The following PPM1H variants were observed in gnomAD, a reference collection of about 807,000 sequenced individuals.
PPM1H encodes protein phosphatase 1H.
PPM1H carries 27 observed loss-of-function variants against 54.9 expected under a neutral mutation model. The ratio of observed to expected loss-of-function variants is 0.49; its 90% confidence interval spans 0.36 to 0.68. PPM1H has a LOEUF of 0.68. Among genes scored for constraint, PPM1H ranks in the 30% least tolerant of loss-of-function variants. PPM1H has a pLI of 0.00. For missense variants in PPM1H, 596 were observed against 667.8 expected (o/e 0.89, Z 1.19); for synonymous variants, 305 against 270.8 (o/e 1.13, Z -1.24).
intron 1 of PPM1H, among the ~76,000 whole-genome samples, chr12:62,870,307 C>T (rs1420123520): frequency 6.6e-6 from 1 of 152,092 alleles, no homozygotes. Flanking sequence ...GGCCTTGCAG[C>T]TCATTTTAGG....
intron 1 of PPM1H, among the ~76,000 whole-genome samples, chr12:62,928,800 G>A (rs1390656326): frequency 6.6e-6 from 1 of 152,176 alleles, no homozygotes; most frequent in Non-Finnish European, 1.5e-5. Context: ...TGTCCCCGCT[G>A]AGTAACTTTC....
intron 1 of PPM1H, among the ~76,000 whole-genome samples, chr12:62,843,808 T>A (rs746858661): frequency 9.2e-5 from 14 of 152,216 alleles, no homozygotes; most frequent in Non-Finnish European, 2.1e-4. Flanking sequence ...TTAATTAACC[T>A]GCAGAGAAAG....
At chr12:62,770,829 C>T (rs1325008991) in intron 4 of PPM1H, among the ~76,000 whole-genome samples, 1 of 151,914 alleles carries the variant, frequency 6.6e-6, no homozygotes, top group Non-Finnish European at 1.5e-5. Context: ...GAAAGCGTTC[C>T]CACTCTGCGA....
At chr12:62,771,228 G>C (rs940004409) in intron 4 of PPM1H, among the ~76,000 whole-genome samples, 7 of 147,990 alleles carry the variant, frequency 4.7e-5, no homozygotes, top group Admixed American at 1.4e-4. Context: ...TTCGAGAGCT[G>C]GAAAGAATAT....
intron 6 of PPM1H, among the ~76,000 whole-genome samples, chr12:62,715,399 A>G (rs1308487672): frequency 6.6e-6 from 1 of 151,792 alleles, no homozygotes; most frequent in Non-Finnish European, 1.5e-5. Context: ...CACTGCGAAG[A>G]GAATGGCTTT....
At chr12:62,873,595 C>T (rs1475683469) in intron 1 of PPM1H, among the ~76,000 whole-genome samples, 1 of 152,120 alleles carries the variant, frequency 6.6e-6, no homozygotes, top group East Asian at 1.9e-4. Flanking sequence ...CAGATCAGAG[C>T]CCAGATCCAT....
intron 2 of PPM1H, among the ~76,000 whole-genome samples, chr12:62,822,921 C>CA (rs1049617227): frequency 3.8e-4 from 58 of 152,046 alleles, no homozygotes; most frequent in African/African-American, 1.3e-3. Flanking sequence ...GATAGAGACA[C>CA]AAAAAACCCT....
intron 1 of PPM1H, among the ~76,000 whole-genome samples, chr12:62,904,605 T>C (rs1871253595): frequency 6.6e-6 from 1 of 152,084 alleles, no homozygotes; most frequent in African/African-American, 2.4e-5. Flanking sequence ...TGTTATGAGA[T>C]ATGGGCAAAA....
chr12:62,680,279 C>T (rs1263904385), intron 8 of PPM1H, among the ~76,000 whole-genome samples: 2 of 150,646 alleles, frequency 1.3e-5, no homozygotes, highest in African/African-American at 4.9e-5. Context: ...CCCCTCCCTC[C>T]CTTCCTTCCT....
At position 62,666,006 on chromosome 12, in the gene PPM1H, G is replaced by A. The variant is rs539447863; in HGVS notation, c.1397+1172C>T. ...TATCTCCCAAAGTGTTGGGATTACA[G>A]GTGTGAGCCACCATGCTTGGCTAAA... is the stretch of plus-strand genomic sequence containing the variant. On this transcript the variant is annotated intron_variant, in intron 9 of 9. Coordinates refer to ENST00000228705, the MANE Select transcript of PPM1H (RefSeq NM_020700.2). 7.9e-5 allele frequency among the ~76,000 whole-genome samples: 12 copies of A among 152,234 alleles called. No homozygotes were observed. In the South Asian group the frequency reaches 2.5e-3, roughly 32 times the overall value.
In PPM1H at chr12:62,647,956, G is replaced by T. The variant is rs1361166750; in HGVS notation, c.*533C>A. 1 of 138,208 alleles carries T rather than the reference G, an allele frequency of 7.2e-6. No individual in the cohort carries two copies. Among genetic ancestry groups the T allele is most frequent in the Non-Finnish European group, 1.6e-5 (1 of 64,498 alleles). The allele number at this position is 138,208 out of a possible 1,614,324, so 8.6% of individuals were successfully genotyped here. A position where few individuals can be genotyped will look rare whatever the true frequency, so the allele number is the denominator to read the frequency against. Reference sequence around the variant, plus strand: ...GCCTCACTCCACCACTGCCATAAAAGAATAGAAACAGAGAAGAAAAAAAGA... The same window carrying T: ...GCCTCACTCCACCACTGCCATAAAATAATAGAAACAGAGAAGAAAAAAAGA... On this transcript the variant is annotated 3_prime_UTR_variant, in exon 10 of 10. Coordinates refer to ENST00000228705, the MANE Select transcript of PPM1H (RefSeq NM_020700.2).
At chr12:62,740,541 T>A (rs1323578396) in intron 4 of PPM1H, among the ~76,000 whole-genome samples, 1 of 152,198 alleles carries the variant, frequency 6.6e-6, no homozygotes, top group African/African-American at 2.4e-5. Flanking sequence ...TAGACCCCTA[T>A]CCCTCCATAC....
At chr12:62,867,124 A>G (rs1208295204) in intron 1 of PPM1H, among the ~76,000 whole-genome samples, 2 of 152,156 alleles carry the variant, frequency 1.3e-5, no homozygotes, top group Non-Finnish European at 2.9e-5. Flanking sequence ...GTGCATGGTA[A>G]TTTGTAACCT....
At chr12:62,888,234 G>A (rs1870661001) in intron 1 of PPM1H, among the ~76,000 whole-genome samples, 2 of 152,222 alleles carry the variant, frequency 1.3e-5, no homozygotes, top group South Asian at 4.1e-4. Flanking sequence ...GGCACCATTT[G>A]CTGAAATTTA....
At chr12:62,884,812 A>T (rs534752786) in intron 1 of PPM1H, among the ~76,000 whole-genome samples, 1 of 152,276 alleles carries the variant, frequency 6.6e-6, no homozygotes, top group Admixed American at 6.5e-5. Context: ...CAAAACTAAA[A>T]TTAAGGTGTC....
At chr12:62,888,633 G>T (rs1870674663) in intron 1 of PPM1H, among the ~76,000 whole-genome samples, 1 of 152,148 alleles carries the variant, frequency 6.6e-6, no homozygotes, top group South Asian at 2.1e-4. Flanking sequence ...AATCTTGCAA[G>T]GAACCCCTGT....
At chr12:62,863,779 C>T (rs536320761) in intron 1 of PPM1H, among the ~76,000 whole-genome samples, 62 of 152,242 alleles carry the variant, frequency 4.1e-4, no homozygotes, top group African/African-American at 1.2e-3. Context: ...GGGATATTTT[C>T]TCATTTGACA....
chr12:62,794,228 A>G (rs1414106439), intron 3 of PPM1H, among the ~76,000 whole-genome samples: 1 of 152,216 alleles, frequency 6.6e-6, no homozygotes, highest in African/African-American at 2.4e-5. Flanking sequence ...TAACAAAAAC[A>G]AAGAGAACAA....
chr12:62,707,979 A>G (rs973549332), intron 6 of PPM1H, among the ~76,000 whole-genome samples: 1 of 152,360 alleles, frequency 6.6e-6, no homozygotes, highest in African/African-American at 2.4e-5. Context: ...GCAGAATACT[A>G]CAGCTTTTGC....
Sources: gnomAD v4.1 joint callset for allele counts (sites outside exome capture counted in the v4.1 genomes callset) on GRCh38, gnomAD v4.1.1 for gene constraint, MANE v1.5 for transcripts, NCBI Gene and HGNC (gene_info 2026-07-23, HGNC 2026-07-21) for gene names.